Variants in DNAH14 observed in about 807,000 individuals in gnomAD.
DNAH14 encodes the protein dynein axonemal heavy chain 14, also known as axonemal beta dynein heavy chain 14.
Under a neutral mutation model 520.9 loss-of-function variants are expected in DNAH14, and 478 were observed. The observed-to-expected ratio is 0.92, with a 90% confidence interval of 0.85 to 0.99. The LOEUF is 0.99. DNAH14 is among the 50% of genes least tolerant of loss of function. DNAH14 has a pLI of 0.00. For synonymous variants in DNAH14, 1,581 were observed against 1,757.2 expected (o/e 0.90, Z 2.51); for missense variants, 4,831 against 5,234.5 (o/e 0.92, Z 2.38).
intron 83 of DNAH14, among the ~76,000 whole-genome samples, chr1:225,391,862 C>A (rs2095918445): frequency 6.6e-6 from 1 of 152,142 alleles, no homozygotes; most frequent in African/African-American, 2.4e-5. Context: ...GGCAACAGAG[C>A]CTTCCTTTTC....
chr1:225,306,174 C>T (rs2094237637), intron 58 of DNAH14, among the ~76,000 whole-genome samples: 1 of 152,214 alleles, frequency 6.6e-6, no homozygotes, highest in South Asian at 2.1e-4. Flanking sequence ...ACCTCAATAG[C>T]AGCATTTTGC....
intron 19 of DNAH14, among the ~76,000 whole-genome samples, chr1:225,081,670 C>T (rs966660304): frequency 5.9e-5 from 9 of 152,062 alleles, no homozygotes; most frequent in Non-Finnish European, 1.2e-4. Flanking sequence ...AAAAGAAGCC[C>T]CATATATACA....
chr1:225,043,276 GAAAAAAAAAAAA>G (rs10671374), intron 13 of DNAH14, among the ~76,000 whole-genome samples, 162 bp downstream of exon 13: 1 of 98,162 alleles, frequency 1.0e-5, no homozygotes, highest in South Asian at 4.2e-4. Context: ...GTCTCTTGGG[GAAAAAAAAAAAA>G]AAAAAAAAAG....
chr1:225,318,342 TCA>T (rs2094502066), intron 60 of DNAH14, among the ~76,000 whole-genome samples: 1 of 152,158 alleles, frequency 6.6e-6, no homozygotes, highest in Non-Finnish European at 1.5e-5. Flanking sequence ...CAGAAATCAC[TCA>T]GTGTTTTTGC....
intron 43 of DNAH14, among the ~76,000 whole-genome samples, chr1:225,247,936 G>A (rs910357252): frequency 2.6e-5 from 4 of 152,174 alleles, no homozygotes; most frequent in South Asian, 2.1e-4. Flanking sequence ...GGAGAATGGC[G>A]TGAACCTGGG....
In DNAH14 at chr1:225,097,127, A is replaced by G; in HGVS notation, c.3583A>G (p.Asn1195Asp). The G allele has an allele frequency of 6.5e-7, 1 of 1,547,410 alleles. No individual in the cohort carries two copies. Reference sequence around the variant, plus strand: ...GTTTTTATCATTGTAGGATCTTGTGAATGAATGGGATCAAAACTTGACTCT... The same window carrying G: ...GTTTTTATCATTGTAGGATCTTGTGGATGAATGGGATCAAAACTTGACTCT... ...PHIGPIKDLV[N>D]EWDQNLTLFS... The change falls in exon 22 of 86, where the codon AAT becomes GAT. Residue 1195 changes from asparagine (N) to aspartate (D), a missense_variant. Coordinates refer to ENST00000682510, the MANE Select transcript of DNAH14 (RefSeq NM_001367479.1).
At chr1:225,001,732 G>T (rs905679446) in intron 8 of DNAH14, among the ~76,000 whole-genome samples, 1 of 152,066 alleles carries the variant, frequency 6.6e-6, no homozygotes, top group Non-Finnish European at 1.5e-5. Flanking sequence ...AATTTTGATA[G>T]TCACCATCTT....
chr1:225,351,699 G>C lies in DNAH14; in HGVS notation c.11349G>C (p.Arg3783Ser), dbSNP rs1290902787. 1 of 1,550,258 alleles carries C rather than the reference G, an allele frequency of 6.5e-7. No individual in the cohort carries two copies. The change falls in exon 72 of 86, where the codon AGG becomes AGC. Residue 3783 changes from arginine to serine, a missense_variant. Coordinates refer to ENST00000682510, the MANE Select transcript of DNAH14 (RefSeq NM_001367479.1). ...ATCTTCAGTGGCTGTCAGATTCCAG[G>C]TGGAGGCAGTGCCAATATGTCAGCA... ...SQHLQWLSDS[R>S]WRQCQYVSTH...
At chr1:225,346,425 A>G in intron 70 of DNAH14, 31 bp from the exon 71 acceptor site, 1 of 1,530,902 alleles carries the variant, frequency 6.5e-7, no homozygotes, top group Non-Finnish European at 8.8e-7. Flanking sequence ...ATTTAATCTC[A>G]CTGGATTAAT....
At chr1:225,340,786 CA>C in intron 69 of DNAH14, 85 bp downstream of exon 69, 1 of 1,386,470 alleles carries the variant, frequency 7.2e-7, no homozygotes. Flanking sequence ...GAATTTGAGC[CA>C]AAAATACCAA....
rs988978755 is a variant in DNAH14, at chr1:225,028,793, A to G, written c.1358+4928A>G. Among the ~76,000 whole-genome samples, 4 of 152,164 alleles carry G rather than the reference A, an allele frequency of 2.6e-5. No homozygotes were observed. The East Asian group carries it at 5.8e-4, about 22-fold the overall frequency. ...CTAGAATGGCTAAAACAATACCAAC[A>G]ATACAAAGTGCTCATGAGGATGAGG... On this transcript the variant is annotated intron_variant, in intron 11 of 85. Transcript: ENST00000682510.
intron 8 of DNAH14, among the ~76,000 whole-genome samples, chr1:224,997,361 G>T (rs536508923): frequency 6.6e-6 from 1 of 152,238 alleles, no homozygotes; most frequent in Middle Eastern, 3.4e-3. Context: ...GTTGAACTGA[G>T]CCATCTTGGG....
Position 224,952,710 on chromosome 1 carries a change from C to A in DNAH14, c.8C>A (p.Thr3Lys). 1 of 1,598,342 alleles carries A rather than the reference C, an allele frequency of 6.3e-7. No homozygotes were observed. Residue 3 changes from threonine to lysine, a missense_variant, in exon 2 of 86, where the codon ACG (threonine) becomes AAG (lysine). By Grantham distance (78) the Thr-to-Lys change is moderately conservative. Transcript: ENST00000682510. ME[T>K]FIPIDLTTEN... ...TTTTGTTCAGAAAAACATATGGAGA[C>A]GTTTATACCCATTGATTTGACAACT...
At chr1:225,278,586 T>C (rs994879995) in intron 54 of DNAH14, among the ~76,000 whole-genome samples, 3 of 152,200 alleles carry the variant, frequency 2.0e-5, no homozygotes, top group African/African-American at 7.2e-5. Flanking sequence ...ATATTACACA[T>C]TAATTTTTCA....
chr1:225,203,158 GATGTGAGCCTCCAC>G (rs1486506092), intron 38 of DNAH14, among the ~76,000 whole-genome samples: 1 of 152,196 alleles, frequency 6.6e-6, no homozygotes, highest in African/African-American at 2.4e-5. Context: ...AAAAGTTCAT[GATGTGAGCCTCCAC>G]ATGCTTCTCT....
chr1:225,204,176 A>G lies in DNAH14; in HGVS notation c.5887-7A>G. On this transcript the variant is annotated splice_polypyrimidine_tract_variant and splice_region_variant and intron_variant, in intron 38 of 85. Coordinates refer to ENST00000682510, the MANE Select transcript of DNAH14 (RefSeq NM_001367479.1). ...AAAATTTAAACATTATTGATTACATATTTTAGGTTTTCAAACTTGATTCCT... is the reference window on the plus strand; with the variant it reads ...AAAATTTAAACATTATTGATTACATGTTTTAGGTTTTCAAACTTGATTCCT... 1 of 1,393,048 alleles carries G rather than the reference A, an allele frequency of 7.2e-7. No homozygotes were observed. The highest frequency in any genetic ancestry group is 9.5e-7 in the Non-Finnish European group (1 of 1,051,906). The allele number at this position is 1,393,048 out of a possible 1,614,324, so 86.3% of individuals were successfully genotyped here.
At chr1:225,130,174 T>A (rs917813521) in intron 27 of DNAH14, among the ~76,000 whole-genome samples, 4 of 152,068 alleles carry the variant, frequency 2.6e-5, no homozygotes, top group African/African-American at 9.7e-5. Flanking sequence ...AAACAACAGG[T>A]GCTAGAGAGG....
chr1:225,185,253 T>C, intron 36 of DNAH14, 38 bp from the exon 37 acceptor site: 1 of 1,530,346 alleles, frequency 6.5e-7, no homozygotes, highest in Non-Finnish European at 8.8e-7. Flanking sequence ...AAACTTAAAA[T>C]CATTAATGAA....
chr1:225,042,784 T>C, intron 12 of DNAH14, 51 bp from the exon 13 acceptor site: 2 of 1,496,628 alleles, frequency 1.3e-6, no homozygotes, highest in Non-Finnish European at 8.9e-7. Flanking sequence ...AATTAAATGT[T>C]CTGTAAGTTA....
Sources: gnomAD v4.1 joint callset for allele counts (sites outside exome capture counted in the v4.1 genomes callset) on GRCh38, gnomAD v4.1.1 for gene constraint, MANE v1.5 for transcripts, NCBI Gene and HGNC (gene_info 2026-07-23, HGNC 2026-07-21) for gene names.